The following NKAIN2 variants were observed in gnomAD, a reference collection of about 807,000 sequenced individuals.
NKAIN2 encodes the protein sodium/potassium transporting ATPase interacting 2, also known as sodium/potassium-transporting ATPase subunit beta-1-interacting protein 2.
NKAIN2 carries 14 observed loss-of-function variants against 32.6 expected under a neutral mutation model. The observed-to-expected ratio is 0.43, with a 90% CI of 0.28 to 0.67. The LOEUF (loss-of-function observed/expected upper bound fraction) is 0.67, where lower values mean the gene tolerates loss of function less well. NKAIN2 is among the 30% of genes least tolerant of loss of function. The probability of loss-of-function intolerance (pLI) is 0.17; values close to 1 mark genes in which losing one functional copy is unlikely to be tolerated. For synonymous variants in NKAIN2, 80 were observed against 87.2 expected (o/e 0.92, Z 0.46); for missense variants, 198 against 258.3 (o/e 0.77, Z 1.60).
intron 3 of NKAIN2, among the ~76,000 whole-genome samples, chr6:124,513,931 A>G (rs533992317): frequency 1.3e-5 from 2 of 152,300 alleles, no homozygotes; most frequent in East Asian, 3.9e-4. Context: ...ATGTTCTGCA[A>G]TGTGGGACTT....
At chr6:124,169,193 T>A (rs1788721193) in intron 1 of NKAIN2, among the ~76,000 whole-genome samples, 1 of 152,100 alleles carries the variant, frequency 6.6e-6, no homozygotes, top group South Asian at 2.1e-4. Context: ...AATGATAAAT[T>A]TCTGTGTTTT....
At chr6:124,005,864 A>G (rs9491038) in intron 1 of NKAIN2, among the ~76,000 whole-genome samples, 11,718 of 152,104 alleles carry the variant, frequency 0.077, 1,150 homozygotes, top group African/African-American at 0.23. Context: ...AACCTTGTCA[A>G]TTCCCCCTGC....
intron 1 of NKAIN2, among the ~76,000 whole-genome samples, chr6:123,961,320 A>C (rs1415822136): frequency 6.6e-6 from 1 of 152,208 alleles, no homozygotes; most frequent in African/African-American, 2.4e-5. Flanking sequence ...CTGATTCATT[A>C]AATACTTTTG....
chr6:124,195,728 T>A (rs1790282253), intron 1 of NKAIN2, among the ~76,000 whole-genome samples: 2 of 152,152 alleles, frequency 1.3e-5, no homozygotes, highest in African/African-American at 4.8e-5. Context: ...AAAGCTGTGA[T>A]GGATCTATGA....
chr6:123,813,276 C>A (rs966496151), intron 1 of NKAIN2, among the ~76,000 whole-genome samples: 1 of 152,106 alleles, frequency 6.6e-6, no homozygotes, highest in East Asian at 1.9e-4. Flanking sequence ...GTTAATGGCA[C>A]CTGCAGTGGT....
chr6:123,933,544 A>G (rs555883489), intron 1 of NKAIN2, among the ~76,000 whole-genome samples: 5 of 152,370 alleles, frequency 3.3e-5, no homozygotes, highest in South Asian at 4.1e-4. Flanking sequence ...AAAAGCAAAG[A>G]AACTACGGGT....
chr6:124,744,283 C>A (rs765861745), intron 4 of NKAIN2, among the ~76,000 whole-genome samples: 1 of 151,772 alleles, frequency 6.6e-6, no homozygotes, highest in African/African-American at 2.4e-5. Context: ...ATATCTTACT[C>A]TTTCTGGCCT....
chr6:124,358,591 T>C (rs1173881129), intron 3 of NKAIN2, among the ~76,000 whole-genome samples: 3 of 152,238 alleles, frequency 2.0e-5, no homozygotes, highest in Non-Finnish European at 2.9e-5. Context: ...GAAGTGTCTG[T>C]TTATATCCTT....
At chr6:124,230,352 A>C (rs1302257244) in intron 1 of NKAIN2, among the ~76,000 whole-genome samples, 2 of 152,170 alleles carry the variant, frequency 1.3e-5, no homozygotes, top group Admixed American at 6.6e-5. Context: ...ACAGAGCATA[A>C]AAGTTTGGAA....
In NKAIN2 at chr6:124,544,917, T is replaced by TA. The variant is rs987101938; in HGVS notation, c.274-113264dup. On this transcript the variant is annotated intron_variant, in intron 3 of 6. Coordinates refer to ENST00000368417, the MANE Select transcript of NKAIN2 (RefSeq NM_001040214.3). ...GATGAAGGTAAATATAATTTGATGATAAAAAGTCACATGGGCAGATCCTTC... is the reference window on the plus strand; with the variant it reads ...GATGAAGGTAAATATAATTTGATGATAAAAAAGTCACATGGGCAGATCCTTC... Among the ~76,000 whole-genome samples, 6 of 152,258 alleles carry TA rather than the reference T, an allele frequency of 3.9e-5. No individual in the cohort carries two copies. In the East Asian group the frequency reaches 1.2e-3, roughly 29 times the overall value.
At chr6:124,414,349 T>C (rs1008468994) in intron 3 of NKAIN2, among the ~76,000 whole-genome samples, 1 of 152,190 alleles carries the variant, frequency 6.6e-6, no homozygotes, top group African/African-American at 2.4e-5. Context: ...AAACAGATGC[T>C]TGCTACTGTA....
At chr6:124,189,348 A>ATTAGATC (rs747404361) in intron 1 of NKAIN2, among the ~76,000 whole-genome samples, 6 of 152,214 alleles carry the variant, frequency 3.9e-5, no homozygotes, top group Admixed American at 2.0e-4. Context: ...CTAAGATTCT[A>ATTAGATC]TTAGATCTTT....
At chr6:124,339,260 G>A (rs9375323) in intron 2 of NKAIN2, among the ~76,000 whole-genome samples, 47,800 of 151,908 alleles carry the variant, frequency 0.31, 8,368 homozygotes, top group South Asian at 0.45. Context: ...CAGGAGAATC[G>A]CTTGAACCCA....
chr6:124,032,923 A>C (rs1304548431), intron 1 of NKAIN2, among the ~76,000 whole-genome samples: 6 of 152,028 alleles, frequency 3.9e-5, no homozygotes, highest in Non-Finnish European at 8.8e-5. Context: ...TTTATATGTA[A>C]TATTTTATGC....
intron 4 of NKAIN2, among the ~76,000 whole-genome samples, chr6:124,736,162 A>C (rs1776927990): frequency 6.6e-6 from 1 of 151,992 alleles, no homozygotes; most frequent in East Asian, 1.9e-4. Flanking sequence ...TCCTTACTGC[A>C]GATATTGAGT....
At chr6:123,977,397 T>A (rs1052549946) in intron 1 of NKAIN2, among the ~76,000 whole-genome samples, 1 of 151,954 alleles carries the variant, frequency 6.6e-6, no homozygotes, top group African/African-American at 2.4e-5. Context: ...AGCAACAGAG[T>A]GAAACCTTGA....
At chr6:124,467,281 A>G (rs1223484914) in intron 3 of NKAIN2, among the ~76,000 whole-genome samples, 1 of 152,136 alleles carries the variant, frequency 6.6e-6, no homozygotes, top group African/African-American at 2.4e-5. Context: ...TTCTTCTAGA[A>G]TTATCCAAGA....
At chr6:124,355,238 T>C (rs1562509878) in intron 2 of NKAIN2, 29 bp from the exon 3 acceptor site, 3 of 1,411,976 alleles carry the variant, frequency 2.1e-6, no homozygotes, top group Non-Finnish European at 3.0e-6. Flanking sequence ...AAATTAATTA[T>C]ACGTTATTTC....
intron 2 of NKAIN2, among the ~76,000 whole-genome samples, chr6:124,319,808 G>GA (rs1436218718): frequency 3.0e-4 from 45 of 152,040 alleles, no homozygotes; most frequent in African/African-American, 1.1e-3. Flanking sequence ...TTGTTATTTT[G>GA]AAAAACCAAT....
Sources: allele counts gnomAD v4.1 joint callset (sites outside exome capture counted in the v4.1 genomes callset), GRCh38; gene constraint gnomAD v4.1.1; transcripts MANE v1.5; gene names NCBI Gene and HGNC (gene_info 2026-07-23, HGNC 2026-07-21).